Variants in TMEM100 observed in about 807,000 individuals in gnomAD.
TMEM100 encodes the protein transmembrane protein 100.
For synonymous variants in TMEM100, 61 were observed against 67.1 expected, an observed-to-expected ratio of 0.91 and a Z score of 0.44; for missense variants, 137 against 168.2, an observed-to-expected ratio of 0.81 and a Z score of 1.02.
rs1908946442 is a variant in TMEM100 at position 55,722,849 on chromosome 17, TC to T, written c.-297del. The T allele has an allele frequency of 6.6e-6, 1 of 152,314 alleles. No homozygotes were observed. The highest frequency in any genetic ancestry group is 2.4e-5 in the African/African-American group (1 of 41,444). The allele number at this position is 152,314 out of a possible 1,614,324, so 9.4% of individuals were successfully genotyped here. Reference sequence around the variant, plus strand: ...GAGTTCCTGCTTCTTTCAGGCTACCTCTGTTCCTAAATGACGCTTGTCTTTC... The same window carrying T: ...GAGTTCCTGCTTCTTTCAGGCTACCTTGTTCCTAAATGACGCTTGTCTTTC... On this transcript the variant is annotated 5_prime_UTR_variant, in exon 1 of 2. Coordinates refer to ENST00000424486, the MANE Select transcript of TMEM100 (RefSeq NM_018286.3).
At chr17:55,731,744 A>C (rs1209512786) in exon 1 of TMEM100, 1 of 152,250 alleles carries the variant, frequency 6.6e-6, no homozygotes. Flanking sequence ...TGACTGCAGC[A>C]CAAAGGTTTT....
At chr17:55,728,255 T>G (rs557786314) in intron 1 of TMEM100, among the ~76,000 whole-genome samples, 2 of 152,324 alleles carry the variant, frequency 1.3e-5, no homozygotes, top group African/African-American at 4.8e-5. Context: ...TGTGAGGAAT[T>G]CATTTTTAAA....
chr17:55,725,519 G>A (rs1909041159), upstream of TMEM100, among the ~76,000 whole-genome samples: 1 of 152,090 alleles, frequency 6.6e-6, no homozygotes, highest in Admixed American at 6.6e-5. Context: ...TGAGACAGCT[G>A]CCTGCCCTGC....
At chr17:55,723,984 A>C (rs1391994149), upstream of TMEM100, among the ~76,000 whole-genome samples, 1 of 152,190 alleles carries the variant, frequency 6.6e-6, no homozygotes, top group East Asian at 1.9e-4. Context: ...TTTTGAGGAG[A>C]AAAGATAATA....
rs777194276 is a variant in TMEM100 at position 55,720,659 on chromosome 17, T to G, written c.*7A>C. The G allele has an allele frequency of 9.4e-6, 15 of 1,593,742 alleles. No homozygotes were observed. The highest frequency in any genetic ancestry group is 1.3e-5 in the Non-Finnish European group (15 of 1,171,218). ...AGGCCCAATGGCCCATTTGGTCGTATTCAGTCTCAAGCAAACAAGCTTCTC... is the reference window on the plus strand; with the variant it reads ...AGGCCCAATGGCCCATTTGGTCGTAGTCAGTCTCAAGCAAACAAGCTTCTC... On this transcript the variant is annotated 3_prime_UTR_variant, in exon 2 of 2. Transcript: ENST00000424486.
rs546033612 is a variant in TMEM100, at chr17:55,721,238, C to A, written c.-65-103G>T. 4 of 750,382 alleles carry A rather than the reference C, an allele frequency of 5.3e-6. No homozygotes were observed. The African/African-American group carries it at 7.0e-5, about 13-fold the overall frequency. 46.5% of individuals were successfully genotyped at this position (750,382 alleles called of 1,614,324 possible). On this transcript the variant is annotated intron_variant, in intron 1 of 1. Transcript: ENST00000424486. ...CACCTCCTTTCTAGGAGGCACAGATCCATGTGAAAAGCAACTTTACTCTTT... is the reference window on the plus strand; with the variant it reads ...CACCTCCTTTCTAGGAGGCACAGATACATGTGAAAAGCAACTTTACTCTTT...
At chr17:55,725,486 A>G (rs1597956020), upstream of TMEM100, among the ~76,000 whole-genome samples, 1 of 152,090 alleles carries the variant, frequency 6.6e-6, no homozygotes, top group Admixed American at 6.5e-5. Context: ...AAAGATCCTT[A>G]CCTTTCCCAG....
chr17:55,730,009 A>T (rs943645348), intron 1 of TMEM100, among the ~76,000 whole-genome samples: 1 of 152,204 alleles, frequency 6.6e-6, no homozygotes, highest in Non-Finnish European at 1.5e-5. Context: ...CCTTACTAAG[A>T]ACTAATTTTA....
At chr17:55,731,718 C>T (rs938916390) in exon 1 of TMEM100, 1 of 152,186 alleles carries the variant, frequency 6.6e-6, no homozygotes, top group Non-Finnish European at 1.5e-5. Context: ...GAGTCACAGG[C>T]GTCTGGCTCG....
upstream of TMEM100, among the ~76,000 whole-genome samples, chr17:55,724,769 G>A (rs528829039): frequency 1.3e-5 from 2 of 152,208 alleles, no homozygotes; most frequent in African/African-American, 4.8e-5. Context: ...TGAACGTCTA[G>A]AGAGAGGACA....
upstream of TMEM100, among the ~76,000 whole-genome samples, chr17:55,723,654 A>C (rs980012435): frequency 1.3e-5 from 2 of 152,236 alleles, no homozygotes; most frequent in Non-Finnish European, 2.9e-5. Flanking sequence ...ACCCAGTAAC[A>C]GAGACACCCT....
exon 1 of TMEM100, chr17:55,732,017 A>C (rs1909217517): frequency 6.6e-6 from 1 of 152,252 alleles, no homozygotes. Context: ...GGGAAGACTG[A>C]TAGGAAAGCC....
At position 55,720,566 on chromosome 17, in the gene TMEM100, A is replaced by G. The variant is rs1908835159; in HGVS notation, c.*100T>C. On this transcript the variant is annotated 3_prime_UTR_variant, in exon 2 of 2. Transcript: ENST00000424486. ...ACCCCCATTCTTCCAGTCTGCTCCA[A>G]CGCCAAGTCTGTTCTCTCCCACCAT... 2.8e-6 allele frequency: 4 copies of G among 1,443,106 alleles called. No individual in the cohort carries two copies. The highest frequency in any genetic ancestry group is 3.7e-6 in the Non-Finnish European group (4 of 1,072,876). The allele number at this position is 1,443,106 out of a possible 1,614,324, so 89.4% of individuals were successfully genotyped here.
intron 1 of TMEM100, among the ~76,000 whole-genome samples, chr17:55,729,747 C>G (rs547359108): frequency 6.6e-6 from 1 of 152,160 alleles, no homozygotes; most frequent in South Asian, 2.1e-4. Context: ...CAATTTGAGA[C>G]TTTATTTTTA....
intron 1 of TMEM100, chr17:55,721,963 G>A (rs891047968): frequency 3.9e-5 from 6 of 152,122 alleles, no homozygotes; most frequent in African/African-American, 1.2e-4. Context: ...ACAAAATTTC[G>A]ATATTATGTA....
upstream of TMEM100, among the ~76,000 whole-genome samples, chr17:55,726,528 C>T (rs186407864): frequency 2.8e-4 from 43 of 152,332 alleles, no homozygotes; most frequent in Admixed American, 1.4e-3. Flanking sequence ...AGCATGCCCC[C>T]ATGTGCATTT....
Position 55,719,754 on chromosome 17 carries a change from G to A in TMEM100, c.*912C>T, listed in dbSNP as rs1373080800. On this transcript the variant is annotated 3_prime_UTR_variant, in exon 2 of 2. Coordinates refer to ENST00000424486, the MANE Select transcript of TMEM100 (RefSeq NM_018286.3). ...TAAACGTAATTAAGACTATTCAGAA[G>A]TAATGAAAAACCAATATGATAAAAA... 2 of 152,382 alleles carry A rather than the reference G, an allele frequency of 1.3e-5. No individual in the cohort carries two copies. The highest frequency in any genetic ancestry group is 2.9e-5 in the Non-Finnish European group (2 of 68,028). 9.4% of individuals were successfully genotyped at this position (152,382 alleles called of 1,614,324 possible).
At chr17:55,727,499 C>T (rs576881159), upstream of TMEM100, among the ~76,000 whole-genome samples, 3 of 152,240 alleles carry the variant, frequency 2.0e-5, no homozygotes, top group African/African-American at 7.2e-5. Context: ...CCCTTTGCCA[C>T]TCCTCCCTAT....
At chr17:55,725,537 A>C (rs1909041709), upstream of TMEM100, among the ~76,000 whole-genome samples, 1 of 152,194 alleles carries the variant, frequency 6.6e-6, no homozygotes, top group Non-Finnish European at 1.5e-5. Context: ...TGCCAAGAGC[A>C]ACCCAGACAG....
Sources: gnomAD v4.1 joint callset for allele counts (sites outside exome capture counted in the v4.1 genomes callset) on GRCh38, gnomAD v4.1.1 for gene constraint, MANE v1.5 for transcripts, NCBI Gene and HGNC (gene_info 2026-07-23, HGNC 2026-07-21) for gene names.